Variants in C8A observed in about 807,000 individuals in gnomAD.
The protein encoded by C8A is complement component C8 alpha chain.
C8A carries 67 observed loss-of-function variants against 65.3 expected under a neutral mutation model. The observed-to-expected ratio is 1.03, with a 90% CI of 0.84 to 1.26. The LOEUF is 1.26. Ranked by LOEUF, C8A falls within the 50% of genes most tolerant of loss-of-function variation. C8A has a pLI of 0.00. For missense variants in C8A, 781 were observed against 723.9 expected (o/e 1.08, Z -0.90); for synonymous variants, 290 against 259.4 (o/e 1.12, Z -1.13).
At chr1:56,880,665 GT>G (rs35571110) in intron 4 of C8A, among the ~76,000 whole-genome samples, 6 of 151,474 alleles carry the variant, frequency 4.0e-5, no homozygotes, top group Admixed American at 1.3e-4. Context: ...ATATTTCAAA[GT>G]TTTTTTTTGT....
intron 5 of C8A, among the ~76,000 whole-genome samples, chr1:56,882,457 G>C (rs1358624410): frequency 1.3e-5 from 2 of 152,110 alleles, no homozygotes; most frequent in African/African-American, 4.8e-5. Flanking sequence ...AAACTCTACT[G>C]CAGTTGGTGG....
At chr1:56,875,144 T>C (rs754374113) in intron 3 of C8A, 51 bp downstream of exon 3, 2 of 1,595,790 alleles carry the variant, frequency 1.3e-6, no homozygotes, top group Non-Finnish European at 1.7e-6. Flanking sequence ...AAGTGACATG[T>C]GAAACACTTC....
intron 1 of C8A, among the ~76,000 whole-genome samples, chr1:56,860,908 C>T (rs1276035821): frequency 2.6e-5 from 4 of 152,116 alleles, no homozygotes; most frequent in Non-Finnish European, 2.9e-5. Context: ...AGGAATTGTG[C>T]TGAAGAAGTC....
At chr1:56,881,656 C>G (rs1203950336) in intron 5 of C8A, 22 bp downstream of exon 5, 1 of 1,606,922 alleles carries the variant, frequency 6.2e-7, no homozygotes, top group Non-Finnish European at 8.5e-7. Context: ...CAGAGGGGCT[C>G]TGAGGCCACT....
At chr1:56,910,707 C>T (rs1192793814) in intron 9 of C8A, among the ~76,000 whole-genome samples, 1 of 152,248 alleles carries the variant, frequency 6.6e-6, no homozygotes, top group African/African-American at 2.4e-5. Flanking sequence ...TATTACCTGC[C>T]TGCTGACCTC....
intron 1 of C8A, among the ~76,000 whole-genome samples, chr1:56,864,589 C>CAGAAG (rs1289731784): frequency 2.6e-5 from 4 of 151,966 alleles, no homozygotes; most frequent in African/African-American, 9.7e-5. Context: ...TGAGAAGGTT[C>CAGAAG]AGAAGAGAAG....
rs1644010173 is a variant in C8A, at chr1:56,859,513, T to G, written c.77+4535T>G. On this transcript the variant is annotated intron_variant, in intron 1 of 10. Coordinates refer to ENST00000361249, the MANE Select transcript of C8A (RefSeq NM_000562.3). Reference sequence around the variant, plus strand: ...CCAGATGAATGAGATATGATTAGCATTCTGTGGAGGAAATAGCATTATGCA... The same window carrying G: ...CCAGATGAATGAGATATGATTAGCAGTCTGTGGAGGAAATAGCATTATGCA... 2.6e-5 allele frequency among the ~76,000 whole-genome samples: 4 copies of G among 152,208 alleles called. No individual in the cohort carries two copies. In the South Asian group the frequency reaches 8.3e-4, roughly 31 times the overall value.
intron 2 of C8A, among the ~76,000 whole-genome samples, chr1:56,870,803 A>C (rs1274578251): frequency 1.3e-5 from 2 of 152,198 alleles, no homozygotes; most frequent in Non-Finnish European, 2.9e-5. Context: ...AACCCTTAAA[A>C]TAATTAATTC....
At chr1:56,914,997 C>G (rs866933187) in intron 10 of C8A, among the ~76,000 whole-genome samples, 1 of 152,178 alleles carries the variant, frequency 6.6e-6, no homozygotes, top group Admixed American at 6.5e-5. Flanking sequence ...AATTTCTAAG[C>G]TGCCAATTTC....
rs760848043 is a variant in C8A at position 56,886,126 on chromosome 1, A to G, written c.1055A>G (p.Glu352Gly). The G allele has an allele frequency of 3.1e-6, 5 of 1,614,016 alleles. No individual in the cohort carries two copies. The highest frequency in any genetic ancestry group is 2.5e-6 in the Non-Finnish European group (3 of 1,179,934). Residue 352 changes from glutamate to glycine, a missense_variant, in exon 7 of 11, where the codon GAA becomes GGA. Glu to Gly is a moderately conservative substitution (Grantham distance 98). Transcript: ENST00000361249. ...TCTGGATCCATGGGTGGCATTTATG[A>G]ATATATCCTGGTGATTGACAAAGCA... is the stretch of plus-strand genomic sequence containing the variant. ...ITSGSMGGIY[E>G]YILVIDKAKM... is the part of the protein sequence containing the mutation.
At chr1:56,907,840 G>A (rs1373554802) in intron 8 of C8A, 116 bp from the exon 9 acceptor site, 6 of 1,235,144 alleles carry the variant, frequency 4.9e-6, no homozygotes, top group Non-Finnish European at 7.1e-6. Context: ...AAGAAGAATG[G>A]TAAACATCTA....
Position 56,906,758 on chromosome 1 carries a change from A to T in C8A, c.1188A>T (p.Gly396=), listed in dbSNP as rs780999681. 2 of 1,614,126 alleles carry T rather than the reference A, an allele frequency of 1.2e-6. No homozygotes were observed. The change falls in exon 8 of 11, where the codon GGA becomes GGT. Residue 396 remains glycine, a synonymous_variant. Coordinates refer to ENST00000361249, the MANE Select transcript of C8A (RefSeq NM_000562.3). ...DKINVGGGLS[G]DHCKKFGGGK... ...TAAATGTTGGTGGAGGTTTATCAGG[A>T]GACCATTGTAAAAAATTTGGAGGTG...
At chr1:56,883,377 T>C in intron 5 of C8A, 104 bp from the exon 6 acceptor site, 1 of 985,572 alleles carries the variant, frequency 1.0e-6, no homozygotes, top group South Asian at 1.4e-5. Flanking sequence ...CCTACCATAA[T>C]CTAAAATTTT....
intron 10 of C8A, among the ~76,000 whole-genome samples, chr1:56,913,926 C>G (rs147663577): frequency 2.0e-5 from 3 of 152,150 alleles, no homozygotes; most frequent in African/African-American, 4.8e-5. Context: ...CTGATACAGA[C>G]GGCCCCACAG....
intron 6 of C8A, among the ~76,000 whole-genome samples, chr1:56,884,643 G>T (rs1306267302): frequency 6.6e-6 from 1 of 152,100 alleles, no homozygotes; most frequent in African/African-American, 2.4e-5. Flanking sequence ...AAAGCATGTG[G>T]ACTCCTCTAA....
At chr1:56,888,860 T>C (rs1309385550) in intron 7 of C8A, among the ~76,000 whole-genome samples, 1 of 152,164 alleles carries the variant, frequency 6.6e-6, no homozygotes, top group Non-Finnish European at 1.5e-5. Flanking sequence ...AAGTTTTAGC[T>C]ACATAAACGC....
intron 1 of C8A, among the ~76,000 whole-genome samples, chr1:56,863,423 T>C (rs1644053162): frequency 6.6e-6 from 1 of 152,214 alleles, no homozygotes; most frequent in African/African-American, 2.4e-5. Context: ...CACAAGGCTT[T>C]TAAAACTACA....
intron 6 of C8A, among the ~76,000 whole-genome samples, chr1:56,885,468 AT>A (rs1644291170): frequency 9.3e-6 from 1 of 107,416 alleles, no homozygotes; most frequent in Non-Finnish European, 2.0e-5. Flanking sequence ...CCGTAAATAT[AT>A]ATTTATTTAA....
At chr1:56,913,561 TCTTTCTGGGGCTTAG>T (rs1407545289) in intron 10 of C8A, among the ~76,000 whole-genome samples, 5 of 152,228 alleles carry the variant, frequency 3.3e-5, no homozygotes, top group Non-Finnish European at 7.3e-5. Context: ...ATTGTTCACA[TCTTTCTGGGGCTTAG>T]CTTTCTCATC....
Sources: allele counts gnomAD v4.1 joint callset (sites outside exome capture counted in the v4.1 genomes callset), GRCh38; gene constraint gnomAD v4.1.1; transcripts MANE v1.5; gene names NCBI Gene and HGNC (gene_info 2026-07-23, HGNC 2026-07-21).